The following COL16A1 variants were observed in gnomAD, a reference collection of about 807,000 sequenced individuals.
COL16A1 encodes collagen alpha-1(XVI) chain.
In COL16A1, 189 loss-of-function variants were observed where a neutral mutation model predicts 266.3. That is an observed-to-expected ratio of 0.71 (90% CI 0.63 to 0.80). The LOEUF is 0.80. COL16A1 is among the 30% of genes least tolerant of loss of function. The probability of loss-of-function intolerance (pLI) is 0.00; values close to 1 mark genes in which losing one functional copy is unlikely to be tolerated. For synonymous variants in COL16A1, 740 were observed against 782.3 expected, an observed-to-expected ratio of 0.95 and a Z score of 0.90; for missense variants, 1,928 against 2,122.4, an observed-to-expected ratio of 0.91 and a Z score of 1.80.
In COL16A1 at chr1:31,695,764, A is replaced by T; in HGVS notation, c.942T>A (p.Asp314Glu). ...GAKVHQETAADECPPCVHGAR... is the reference protein window; with the variant it reads ...GAKVHQETAAEECPPCVHGAR... ...GCCAGTCCACTGGGAGGCTTACCTC[A>T]TCGGCTGCTGTCTCCTGATGGACCT... Residue 314 changes from aspartate to glutamate, a missense_variant, in exon 10 of 71, where the codon GAT becomes GAA. This residue lies in a region of COL16A1 where 1,552 missense variants were observed against 1,637.2 expected (regional missense o/e 0.95). Transcript: ENST00000373672. The T allele has an allele frequency of 6.2e-7, 1 of 1,613,444 alleles. No individual in the cohort carries two copies. The highest frequency in any genetic ancestry group is 8.5e-7 in the Non-Finnish European group (1 of 1,179,696).
At position 31,695,228 on chromosome 1, in the gene COL16A1, G is replaced by T; in HGVS notation, c.946-7C>A. 6.2e-7 allele frequency: 1 copy of T among 1,613,812 alleles called. No individual in the cohort carries two copies. Among genetic ancestry groups the T allele is most frequent in the Non-Finnish European group, 8.5e-7 (1 of 1,179,956 alleles). ...CATGGACACAGGGCGGACACTGAAA[G>T]GGAAGAGCAGGCGAAGAGGTCAATT... On this transcript the variant is annotated splice_region_variant and splice_polypyrimidine_tract_variant and intron_variant, in intron 10 of 70. Transcript: ENST00000373672.
chr1:31,698,572 C>G lies in COL16A1; in HGVS notation c.301G>C (p.Ala101Pro). The change falls in exon 5 of 71, where the codon GCC becomes CCC. Residue 101 changes from alanine to proline, a missense_variant. Transcript: ENST00000373672. The surrounding 1 kb of genome is among the most constrained non-coding windows in gnomAD (Gnocchi z 4.1). ...TTCAGCAGTAGTGTCAGCACCAGGG[C>G]AAACTCCTCCGGGAGACCCCGAGGG... The part of the protein sequence containing the change: ...VFPRGLPEEF[A>P]LVLTLLLKKH... The G allele has an allele frequency of 6.2e-7, 1 of 1,614,038 alleles. No homozygotes were observed. Among genetic ancestry groups the G allele is most frequent in the Non-Finnish European group, 8.5e-7 (1 of 1,179,996 alleles).
Position 31,689,174 on chromosome 1 carries a change from A to G in COL16A1, c.1621-89T>C, listed in dbSNP as rs1644138246. The G allele has an allele frequency of 8.8e-6, 14 of 1,598,418 alleles. No individual in the cohort carries two copies. The South Asian group carries it at 1.3e-4, about 15-fold the overall frequency. On this transcript the variant is annotated intron_variant, in intron 23 of 70. Transcript: ENST00000373672. ...CAATATGCGAGGACAGCAATGTCACACACGCAAACCGTCCAAACACCTAGG... is the reference window on the plus strand; with the variant it reads ...CAATATGCGAGGACAGCAATGTCACGCACGCAAACCGTCCAAACACCTAGG...
intron 4 of COL16A1, 110 bp downstream of exon 4, chr1:31,699,703 G>T: frequency 1.3e-6 from 1 of 745,744 alleles, no homozygotes; most frequent in Non-Finnish European, 2.3e-6. Context: ...CAGGGGCTGG[G>T]ATGCAATGAC....
Position 31,693,155 on chromosome 1 carries a change from C to T in COL16A1, c.1009-1G>A. 6.2e-7 allele frequency: 1 copy of T among 1,605,816 alleles called. No homozygotes were observed. Reference sequence around the variant, plus strand: ...GCAGGCCCCGCTCACCTTTCCCTCCCTGAGAGTGAAACCAGAATGGAAGAT... The same window carrying T: ...GCAGGCCCCGCTCACCTTTCCCTCCTTGAGAGTGAAACCAGAATGGAAGAT... On this transcript the variant is annotated splice_acceptor_variant, in intron 12 of 70. Transcript: ENST00000373672. LOFTEE classifies it high-confidence loss of function.
Position 31,663,989 on chromosome 1 carries a change from G to A in COL16A1, c.3555+1183C>T, listed in dbSNP as rs901801741. On this transcript the variant is annotated intron_variant, in intron 56 of 70. Coordinates refer to ENST00000373672, the MANE Select transcript of COL16A1 (RefSeq NM_001856.4). The surrounding 1 kb of genome is among the most constrained non-coding windows in gnomAD (Gnocchi z 4.9). ...ACCCAGCAAAGGGGAAAATGAACTCGGGGGCTCTGTAATGCCACCAGCCAC... is the reference window on the plus strand; with the variant it reads ...ACCCAGCAAAGGGGAAAATGAACTCAGGGGCTCTGTAATGCCACCAGCCAC... Among the ~76,000 whole-genome samples the A allele has an allele frequency of 3.9e-5, 6 of 152,150 alleles. No individual in the cohort carries two copies. The highest frequency in any genetic ancestry group is 2.1e-4 in the South Asian group (1 of 4,828).
At chr1:31,676,661 C>T (rs1026478524) in intron 42 of COL16A1, among the ~76,000 whole-genome samples, 1 of 152,166 alleles carries the variant, frequency 6.6e-6, no homozygotes, top group East Asian at 1.9e-4. Flanking sequence ...ATGGCTGCAA[C>T]GATGTTTACA....
At chr1:31,692,880 T>C in intron 13 of COL16A1, 72 bp from the exon 14 acceptor site, 1 of 1,448,226 alleles carries the variant, frequency 6.9e-7, no homozygotes, top group Non-Finnish European at 9.7e-7. Context: ...GTGAGGAGGA[T>C]CGGCCCGGGA....
rs1643910954 is a variant in COL16A1 at position 31,685,247 on chromosome 1, G to GATA, written c.2016+391_2017-391insTAT. ...CAGTAACAGTGATAATAACCACAGTGGTAACTGCCATTTCCCCAGTGCCCA... is the reference window on the plus strand; with the variant it reads ...CAGTAACAGTGATAATAACCACAGTGATAGTAACTGCCATTTCCCCAGTGCCCA... On this transcript the variant is annotated intron_variant, in intron 29 of 70. Transcript: ENST00000373672. The surrounding 1 kb of genome is among the most constrained non-coding windows in gnomAD (Gnocchi z 4.0). Among the ~76,000 whole-genome samples the GATA allele has an allele frequency of 6.6e-6, 1 of 152,168 alleles. No homozygotes were observed. Among genetic ancestry groups the GATA allele is most frequent in the African/African-American group, 2.4e-5 (1 of 41,438 alleles).
chr1:31,668,218 C>A lies in COL16A1; in HGVS notation c.3250G>T (p.Gly1084Cys), dbSNP rs780354865. 1.2e-6 allele frequency: 2 copies of A among 1,613,434 alleles called. No homozygotes were observed. Among genetic ancestry groups the A allele is most frequent in the South Asian group, 2.2e-5 (2 of 91,012 alleles). ...TGLTGDKGEP[G>C]PPGQPGYPGA... ...GGGTAACCTGGTTGCCCTGGAGGAC[C>A]CTGCAAAGAAAGGCAGACATGATGG... The change falls in exon 51 of 71, where the codon GGT becomes TGT. Residue 1084 changes from glycine (G) to cysteine (C), a missense_variant and splice_region_variant. Coordinates refer to ENST00000373672, the MANE Select transcript of COL16A1 (RefSeq NM_001856.4). This position sits in a 1 kb window ranked among gnomAD's most constrained non-coding sequence, Gnocchi z 5.8.
chr1:31,683,608 G>C (rs1458929593), intron 34 of COL16A1, 99 bp downstream of exon 34: 5 of 1,606,428 alleles, frequency 3.1e-6, no homozygotes, highest in East Asian at 2.2e-5. Flanking sequence ...CTGTGCCTCT[G>C]GGGGCAGGCA....
chr1:31,672,601 C>G lies in COL16A1; in HGVS notation c.3013G>C (p.Ala1005Pro), dbSNP rs1459560423. Residue 1005 changes from alanine (A) to proline (P), a missense_variant, in exon 46 of 71, where the codon GCC becomes CCC. By Grantham distance (27) the Ala-to-Pro change is conservative (BLOSUM62 -1). Transcript: ENST00000373672. ...AGATAAGGCGAGGCACTCACCCGGGCCTCCTCGGCTCTTGGGCGCTCCAGT... is the reference window on the plus strand; with the variant it reads ...AGATAAGGCGAGGCACTCACCCGGGGCTCCTCGGCTCTTGGGCGCTCCAGT... Reference protein sequence around the residue: ...LSLERPRAEEARGDNSEGDPG... With the variant: ...LSLERPRAEEPRGDNSEGDPG... 5 of 1,606,662 alleles carry G rather than the reference C, an allele frequency of 3.1e-6. No individual in the cohort carries two copies. Among genetic ancestry groups the G allele is most frequent in the Non-Finnish European group, 4.3e-6 (5 of 1,175,260 alleles).
intron 16 of COL16A1, among the ~76,000 whole-genome samples, 177 bp downstream of exon 16, chr1:31,692,297 G>T (rs1425782791): frequency 6.6e-6 from 1 of 151,988 alleles, no homozygotes. Context: ...CCTCTAGGTC[G>T]GCTGGGTATT....
At chr1:31,653,796 G>A in intron 69 of COL16A1, 71 bp downstream of exon 69, 1 of 1,573,142 alleles carries the variant, frequency 6.4e-7, no homozygotes, top group Admixed American at 1.8e-5. Flanking sequence ...ATTCACAACA[G>A]ACCTCATGGA....
intron 10 of COL16A1, 23 bp from the exon 11 acceptor site, chr1:31,695,244 G>C (rs369433883): frequency 2.5e-6 from 4 of 1,613,624 alleles, no homozygotes. Flanking sequence ...AGCAGGCGAA[G>C]AGGTCAATTC....
At chr1:31,679,072 C>T (rs969643005) in intron 42 of COL16A1, among the ~76,000 whole-genome samples, 1 of 152,206 alleles carries the variant, frequency 6.6e-6, no homozygotes, top group Admixed American at 6.5e-5. Flanking sequence ...GTACATTTTG[C>T]AAATACTTCT....
chr1:31,690,636 C>A, intron 20 of COL16A1, 63 bp from the exon 21 acceptor site: 1 of 1,583,274 alleles, frequency 6.3e-7, no homozygotes, highest in East Asian at 2.3e-5. Flanking sequence ...GTGCGTTCCC[C>A]CTTCCCCACC....
intron 11 of COL16A1, 129 bp downstream of exon 11, chr1:31,695,057 G>A (rs1644434274): frequency 1.1e-6 from 1 of 926,486 alleles, no homozygotes; most frequent in Non-Finnish European, 1.7e-6. Context: ...CTGGGAGATG[G>A]GCAGGGAGCG....
rs1643484140 is a variant in COL16A1 at position 31,679,863 on chromosome 1, T to TG, written c.2671-13dup. The TG allele has an allele frequency of 6.6e-7, 1 of 1,504,922 alleles. No individual in the cohort carries two copies. The highest frequency in any genetic ancestry group is 1.4e-5 in the African/African-American group (1 of 70,854). 93.2% of individuals were successfully genotyped at this position (1,504,922 alleles called of 1,614,324 possible). The stretch of plus-strand genomic sequence containing the variant: ...AGTCCCGGAGCACCCTGGGTGGGAG[T>TG]GGGGGTCGCAAAAGAAGGGGAGAGG... On this transcript the variant is annotated splice_polypyrimidine_tract_variant and intron_variant, in intron 40 of 70. Coordinates refer to ENST00000373672, the MANE Select transcript of COL16A1 (RefSeq NM_001856.4).
Sources: gnomAD v4.1 joint callset for allele counts (sites outside exome capture counted in the v4.1 genomes callset) on GRCh38, gnomAD v4.1.1 for gene constraint, gnomAD v4.1.1 regional missense constraint, Gnocchi (gnomAD v3.1) non-coding constraint, MANE v1.5 for transcripts, NCBI Gene and HGNC (gene_info 2026-07-23, HGNC 2026-07-21) for gene names.